Variants in CAST observed in about 807,000 individuals in gnomAD.
The protein encoded by CAST is calpastatin.
A neutral mutation model predicts 119.6 loss-of-function variants in CAST; 76 were observed. That is an observed-to-expected ratio of 0.64 (90% CI 0.53 to 0.77). The LOEUF (loss-of-function observed/expected upper bound fraction) is 0.77, where lower values mean the gene tolerates loss of function less well. CAST is among the 30% of genes least tolerant of loss of function. The pLI is 0.00. For synonymous variants in CAST, 319 were observed against 331.6 expected (o/e 0.96, Z 0.41); for missense variants, 953 against 946.5 (o/e 1.01, Z -0.09).
chr5:96,307,730 T>C, the CAST span, among the ~76,000 whole-genome samples: 2 of 152,232 alleles, frequency 1.3e-5, no homozygotes, highest in Non-Finnish European at 2.9e-5. Flanking sequence ...TGGCTGGATA[T>C]GAAATTCTGG....
chr5:96,765,955 A>C (rs926482397), intron 26 of CAST, 98 bp from the exon 27 acceptor site: 5 of 732,850 alleles, frequency 6.8e-6, no homozygotes, highest in Non-Finnish European at 7.2e-6. Flanking sequence ...GTTTTGCCTC[A>C]TGAAAGTACA....
chr5:96,673,135 A>G (rs1750314750), intron 1 of CAST, among the ~76,000 whole-genome samples: 1 of 152,230 alleles, frequency 6.6e-6, no homozygotes, highest in Admixed American at 6.5e-5. Context: ...AACACCCAAT[A>G]AAACAGTGGC....
chr5:96,154,122 C>T, the CAST span, among the ~76,000 whole-genome samples: 7 of 151,478 alleles, frequency 4.6e-5, no homozygotes, highest in East Asian at 1.9e-4. Context: ...CTAAAAAAAC[C>T]GAAAAATTAG....
chr5:95,971,011 TG>T, the CAST span, among the ~76,000 whole-genome samples: 1 of 152,324 alleles, frequency 6.6e-6, no homozygotes, highest in South Asian at 2.1e-4. Context: ...ATAATGTTGA[TG>T]ATCTATTATG....
the CAST span, among the ~76,000 whole-genome samples, chr5:96,478,080 A>G: frequency 6.6e-6 from 1 of 152,242 alleles, no homozygotes; most frequent in African/African-American, 2.4e-5. Flanking sequence ...ATCCTTATAT[A>G]TCTTGCTCTT....
the CAST span, among the ~76,000 whole-genome samples, chr5:96,063,919 G>A: frequency 1.3e-5 from 2 of 152,166 alleles, no homozygotes; most frequent in African/African-American, 4.8e-5. Flanking sequence ...AAGAAGGTGT[G>A]TGTGTGCTGG....
the CAST span, among the ~76,000 whole-genome samples, chr5:96,100,714 T>A: frequency 1.3e-5 from 2 of 152,160 alleles, no homozygotes; most frequent in Admixed American, 1.3e-4. Context: ...TCCCTCAGTA[T>A]CTGTTGGGGG....
chr5:96,183,145 GA>G, the CAST span, among the ~76,000 whole-genome samples: 18 of 124,836 alleles, frequency 1.4e-4, no homozygotes, highest in African/African-American at 5.3e-4. Context: ...TGTCTCAAAA[GA>G]AAAAAAATAA....
chr5:96,235,950 G>T, the CAST span, among the ~76,000 whole-genome samples: 4 of 152,318 alleles, frequency 2.6e-5, no homozygotes, highest in East Asian at 7.7e-4. Context: ...CAAGGTCCCA[G>T]ATTTCTGCCA....
At chr5:96,749,728 GC>G (rs1185260402) in intron 19 of CAST, among the ~76,000 whole-genome samples, 14 of 152,194 alleles carry the variant, frequency 9.2e-5, no homozygotes, top group Admixed American at 9.2e-4. Context: ...TGTATTTTCT[GC>G]AGAGCTGGGG....
the CAST span, among the ~76,000 whole-genome samples, chr5:96,036,594 G>A: frequency 2.5e-4 from 38 of 152,022 alleles, no homozygotes; most frequent in Admixed American, 7.9e-4. Flanking sequence ...ATTTAAAAAC[G>A]TATTATTTTT....
intron 1 of CAST, among the ~76,000 whole-genome samples, chr5:96,547,049 T>G (rs1193216669): frequency 1.3e-5 from 2 of 152,040 alleles, no homozygotes; most frequent in African/African-American, 4.8e-5. Flanking sequence ...TGGAGGAAAA[T>G]ATATTTTCCA....
upstream of CAST, chr5:96,529,758 T>C (rs1745657621): frequency 1.2e-5 from 5 of 434,128 alleles, no homozygotes; most frequent in South Asian, 6.6e-5. Context: ...TCTCACGAGA[T>C]ATAATGGTTT....
intron 1 of CAST, among the ~76,000 whole-genome samples, chr5:96,604,072 C>T (rs967251213): frequency 1.5e-4 from 23 of 152,106 alleles, no homozygotes; most frequent in African/African-American, 5.6e-4. Context: ...GCCCCTTGTG[C>T]TATACATTTA....
At chr5:96,769,440 C>T (rs770717008) in intron 29 of CAST, 5 of 144,520 alleles carry the variant, frequency 3.5e-5, no homozygotes, top group East Asian at 2.0e-4. Flanking sequence ...CAGTCCTGAT[C>T]GAGACAAGCT....
chr5:96,045,078 C>T, the CAST span, among the ~76,000 whole-genome samples: 30 of 151,968 alleles, frequency 2.0e-4, no homozygotes, highest in Admixed American at 3.9e-4. Context: ...GCTGGCCGGG[C>T]GCAGTGGCTC....
chr5:96,155,528 C>T, the CAST span, among the ~76,000 whole-genome samples: 2 of 152,144 alleles, frequency 1.3e-5, no homozygotes, highest in African/African-American at 2.4e-5. Context: ...TTCATGGAAA[C>T]TCTTACATTG....
At chr5:96,573,933 G>C (rs1023229754) in intron 1 of CAST, among the ~76,000 whole-genome samples, 9 of 150,846 alleles carry the variant, frequency 6.0e-5, no homozygotes, top group African/African-American at 2.2e-4. Context: ...TCTATGATTT[G>C]TCTTCAGTAT....
intron 5 of CAST, 99 bp downstream of exon 5, chr5:96,726,958 A>G (rs1759367316): frequency 7.4e-6 from 6 of 811,568 alleles, no homozygotes; most frequent in South Asian, 1.6e-5. Flanking sequence ...TTCTGTTAAC[A>G]CTGAGATCCC....
Sources: gnomAD v4.1 joint callset for allele counts (sites outside exome capture counted in the v4.1 genomes callset) on GRCh38, gnomAD v4.1.1 for gene constraint, MANE v1.5 for transcripts, NCBI Gene and HGNC (gene_info 2026-07-23, HGNC 2026-07-21) for gene names.